Variants in ALKBH1 observed in about 807,000 individuals in gnomAD.
The protein encoded by ALKBH1 is alkB homolog 1, histone H2A dioxygenase.
In ALKBH1, 31 loss-of-function variants were observed where a neutral mutation model predicts 36.6. That is an observed-to-expected ratio of 0.85 (90% confidence interval 0.64 to 1.14). The LOEUF (loss-of-function observed/expected upper bound fraction) is 1.14. Ranked by LOEUF, ALKBH1 falls within the 50% of genes most tolerant of loss-of-function variation. The probability of loss-of-function intolerance (pLI) is 0.00; values close to 1 mark genes in which losing one functional copy is unlikely to be tolerated. For missense variants in ALKBH1, 490 were observed against 497.3 expected (o/e 0.99, Z 0.14); for synonymous variants, 183 against 186.6 (o/e 0.98, Z 0.16).
At chr14:77,705,447 A>T (rs1480164641) in intron 1 of ALKBH1, among the ~76,000 whole-genome samples, 14 of 150,886 alleles carry the variant, frequency 9.3e-5, no homozygotes, top group Admixed American at 7.9e-4. Context: ...ATGAAAAGAG[A>T]GTGCTGTAAA....
At chr14:77,674,510 G>T (rs149154142) in intron 5 of ALKBH1, among the ~76,000 whole-genome samples, 57 of 152,066 alleles carry the variant, frequency 3.7e-4, no homozygotes, top group African/African-American at 1.2e-3. Context: ...AGCAAATGGA[G>T]AACTTAGCTT....
At position 77,688,558 on chromosome 14, in the gene ALKBH1, T is replaced by G. The variant is rs553044684; in HGVS notation, c.455+6180A>C. Among the ~76,000 whole-genome samples, 4 of 96,512 alleles carry G rather than the reference T, an allele frequency of 4.1e-5. No individual in the cohort carries two copies. In the East Asian group the frequency reaches 9.1e-4, roughly 22 times the overall value. The allele number at this position is 96,512 out of a possible 152,430, so 63.3% of individuals were successfully genotyped here. A position where few individuals can be genotyped will look rare whatever the true frequency, so the allele number is the denominator to read the frequency against. ...TGTGAGCCACTGCACCCAGCCTTTT[T>G]TTTTTTTTTTTTGAGACAGAGTCTC... On this transcript the variant is annotated intron_variant, in intron 3 of 5. Coordinates refer to ENST00000216489, the MANE Select transcript of ALKBH1 (RefSeq NM_006020.3).
intron 3 of ALKBH1, among the ~76,000 whole-genome samples, chr14:77,688,747 T>C (rs1217913787): frequency 6.6e-6 from 1 of 151,216 alleles, no homozygotes; most frequent in East Asian, 1.9e-4. Flanking sequence ...ATTTTTTGTA[T>C]TTTTAGTAGA....
intron 5 of ALKBH1, among the ~76,000 whole-genome samples, chr14:77,675,454 A>G (rs2080199943): frequency 6.6e-6 from 1 of 151,988 alleles, no homozygotes; most frequent in Non-Finnish European, 1.5e-5. Context: ...AATAATAAAA[A>G]ATAAAAATAA....
intron 4 of ALKBH1, 144 bp from the exon 5 acceptor site, chr14:77,675,993 C>CTT: frequency 1.5e-6 from 1 of 685,082 alleles, no homozygotes; most frequent in South Asian, 2.3e-5. Context: ...CCATTCTTTT[C>CTT]TTTTCTTTTT....
At position 77,673,685 on chromosome 14, in the gene ALKBH1, T is replaced by TC. The variant is rs2080188457; in HGVS notation, c.*126dup. ...CGTGGGTTCCAAGGCAACAGTGTGA[T>TC]CAACAATGAGTTCTTCCCTGTCTCT... is the stretch of plus-strand genomic sequence containing the variant. On this transcript the variant is annotated 3_prime_UTR_variant, in exon 6 of 6. Transcript: ENST00000216489. 1.0e-6 allele frequency: 1 copy of TC among 995,812 alleles called. No homozygotes were observed. The highest frequency in any genetic ancestry group is 1.6e-5 in the African/African-American group (1 of 61,736). The allele number at this position is 995,812 out of a possible 1,614,324, so 61.7% of individuals were successfully genotyped here.
At chr14:77,704,317 A>G (rs1475308125) in intron 2 of ALKBH1, 52 bp downstream of exon 2, 2 of 1,278,554 alleles carry the variant, frequency 1.6e-6, no homozygotes, top group Non-Finnish European at 2.3e-6. Flanking sequence ...TGAAGACATG[A>G]AGACATAAAT....
At chr14:77,687,537 A>T (rs2080274638) in intron 3 of ALKBH1, among the ~76,000 whole-genome samples, 2 of 152,132 alleles carry the variant, frequency 1.3e-5, no homozygotes, top group Non-Finnish European at 2.9e-5. Context: ...CTTTTAAAAA[A>T]TTCAGCATTT....
At chr14:77,684,736 CG>C (rs2080258527) in intron 3 of ALKBH1, among the ~76,000 whole-genome samples, 1 of 152,012 alleles carries the variant, frequency 6.6e-6, no homozygotes. Context: ...TTTGTAGAGA[CG>C]GGGTCTCTCT....
At chr14:77,695,217 G>A (rs1159148373) in intron 2 of ALKBH1, among the ~76,000 whole-genome samples, 1 of 152,140 alleles carries the variant, frequency 6.6e-6, no homozygotes, top group Non-Finnish European at 1.5e-5. Context: ...AGTCATCCGA[G>A]ACTTCTTTAC....
At position 77,675,710 on chromosome 14, in the gene ALKBH1, C is replaced by A; in HGVS notation, c.686G>T (p.Gly229Val). 6.2e-7 allele frequency: 1 copy of A among 1,614,122 alleles called. No homozygotes were observed. Among genetic ancestry groups the A allele is most frequent in the Non-Finnish European group, 8.5e-7 (1 of 1,180,022 alleles). ...TAGCTCAGATCTGTCTACGTGGATT[C>A]CCAGTGTGGAGTCCAGGCGGTAGTA... is the stretch of plus-strand genomic sequence containing the variant. ...LNYYRLDSTL[G>V]IHVDRSELDH... The change falls in exon 5 of 6, where the codon GGA becomes GTA. Residue 229 changes from glycine (G) to valine (V), a missense_variant. Transcript: ENST00000216489.
At chr14:77,694,933 G>C (rs2080319089) in intron 2 of ALKBH1, 33 bp from the exon 3 acceptor site, 3 of 1,445,126 alleles carry the variant, frequency 2.1e-6, no homozygotes, top group African/African-American at 1.4e-5. Flanking sequence ...AAAAAGAAGA[G>C]GGGGAAATTC....
intron 3 of ALKBH1, among the ~76,000 whole-genome samples, chr14:77,691,090 C>T (rs1240582287): frequency 1.3e-5 from 2 of 152,160 alleles, no homozygotes; most frequent in Non-Finnish European, 1.5e-5. Flanking sequence ...CATGAGCCAC[C>T]GTGCCCGGCC....
rs772082718 is a variant in ALKBH1, at chr14:77,673,809, G to T, written c.*3C>A. 15 of 1,607,806 alleles carry T rather than the reference G, an allele frequency of 9.3e-6. No individual in the cohort carries two copies. Among genetic ancestry groups the T allele is most frequent in the Non-Finnish European group, 1.2e-5 (14 of 1,175,802 alleles). ...TGAGTAAAAAGGATGGGATCTCCAA[G>T]TCTCAGCTGTCAGGGTTTATCCTGG... On this transcript the variant is annotated 3_prime_UTR_variant, in exon 6 of 6. Transcript: ENST00000216489.
rs2080274424 is a variant in ALKBH1, at chr14:77,687,515, T to A, written c.455+7223A>T. On this transcript the variant is annotated intron_variant, in intron 3 of 5. Transcript: ENST00000216489. ...CTTCTACCCCCTATCTTTCCTTCCCTTTATAATTAAACTTTTAAAAAATTC... is the reference window on the plus strand; with the variant it reads ...CTTCTACCCCCTATCTTTCCTTCCCATTATAATTAAACTTTTAAAAAATTC... Among the ~76,000 whole-genome samples, 9 of 152,256 alleles carry A rather than the reference T, an allele frequency of 5.9e-5. No homozygotes were observed. In the South Asian group the frequency reaches 1.9e-3, roughly 32 times the overall value.
rs1566810711 is a variant in ALKBH1, at chr14:77,675,655, C to T, written c.740+1G>A. On this transcript the variant is annotated splice_donor_variant, in intron 5 of 5. Coordinates refer to ENST00000216489, the MANE Select transcript of ALKBH1 (RefSeq NM_006020.3). LOFTEE classifies it high-confidence loss of function. ...ATCCCAAATCCCTGGAACTAACTCA[C>T]CTGAATGACAGCAAGGGTTTGGAGT... 5 of 1,597,702 alleles carry T rather than the reference C, an allele frequency of 3.1e-6. No individual in the cohort carries two copies. Among genetic ancestry groups the T allele is most frequent in the African/African-American group, 1.3e-5 (1 of 74,856 alleles).
chr14:77,688,827 C>T (rs947909315), intron 3 of ALKBH1, among the ~76,000 whole-genome samples: 9 of 152,110 alleles, frequency 5.9e-5, no homozygotes, highest in African/African-American at 2.2e-4. Context: ...CCACCTTGAC[C>T]TCCCAAAGTG....
intron 2 of ALKBH1, among the ~76,000 whole-genome samples, chr14:77,703,044 C>T (rs531996973): frequency 7.6e-4 from 116 of 151,788 alleles, no homozygotes; most frequent in African/African-American, 2.8e-3. Flanking sequence ...CTCAGCTACT[C>T]GGGAGGCAGA....
intron 3 of ALKBH1, among the ~76,000 whole-genome samples, chr14:77,688,870 C>G (rs2080283197): frequency 6.6e-6 from 1 of 152,136 alleles, no homozygotes; most frequent in South Asian, 2.1e-4. Flanking sequence ...CCGCGCCTGG[C>G]CTGAACTAAA....
Sources: allele counts gnomAD v4.1 joint callset (sites outside exome capture counted in the v4.1 genomes callset), GRCh38; gene constraint gnomAD v4.1.1; transcripts MANE v1.5; gene names NCBI Gene and HGNC (gene_info 2026-07-23, HGNC 2026-07-21).